The following ANO1 variants were observed in gnomAD, a reference collection of about 807,000 sequenced individuals.
The protein encoded by ANO1 is anoctamin 1.
Under a neutral mutation model 124.0 loss-of-function variants are expected in ANO1, and 59 were observed. That is an observed-to-expected ratio of 0.48 (90% CI 0.39 to 0.59). The LOEUF is 0.59. Among genes scored for constraint, ANO1 ranks in the 20% least tolerant of loss-of-function variants. The pLI, the probability that ANO1 is intolerant of heterozygous loss-of-function variation, is 0.00. For synonymous variants in ANO1, 529 were observed against 532.0 expected, an observed-to-expected ratio of 0.99 and a Z score of 0.08; for missense variants, 1,059 against 1,328.0, an observed-to-expected ratio of 0.80 and a Z score of 3.15.
intron 1 of ANO1, among the ~76,000 whole-genome samples, chr11:69,993,144 C>A (rs1234264038): frequency 6.6e-6 from 1 of 152,168 alleles, no homozygotes; most frequent in Non-Finnish European, 1.5e-5. Flanking sequence ...GGCCAGCCAC[C>A]CCCTCCTGAG....
At chr11:70,134,934 C>T (rs1318022931) in intron 11 of ANO1, among the ~76,000 whole-genome samples, 5 of 152,178 alleles carry the variant, frequency 3.3e-5, no homozygotes, top group African/African-American at 1.2e-4. Context: ...AGCAAGGACA[C>T]GCTGAGAAGA....
At chr11:70,050,373 G>A (rs4980755) in intron 1 of ANO1, among the ~76,000 whole-genome samples, 97,737 of 151,828 alleles carry the variant, frequency 0.64, 31,979 homozygotes, top group East Asian at 0.91. Flanking sequence ...GCAGGCCACG[G>A]CCCACTTACT....
chr11:70,094,547 G>A (rs901397418), intron 2 of ANO1, among the ~76,000 whole-genome samples: 2 of 152,188 alleles, frequency 1.3e-5, no homozygotes, highest in African/African-American at 4.8e-5. Flanking sequence ...TCCCCACTCC[G>A]TGTGGGCTTC....
chr11:70,131,897 A>G (rs1423099872), intron 10 of ANO1, 22 bp from the exon 11 acceptor site: 1 of 1,596,682 alleles, frequency 6.3e-7, no homozygotes, highest in Non-Finnish European at 8.5e-7. Context: ...AGGTGACTCC[A>G]GGGCTGCCCC....
chr11:70,003,606 G>GGT (rs1856427284), intron 1 of ANO1, among the ~76,000 whole-genome samples: 3 of 137,484 alleles, frequency 2.2e-5, no homozygotes, highest in African/African-American at 8.3e-5. Flanking sequence ...TGGATGGATG[G>GGT]ATGGATGGAT....
At chr11:70,061,488 CT>C (rs1461488651) in intron 1 of ANO1, among the ~76,000 whole-genome samples, 1 of 150,062 alleles carries the variant, frequency 6.7e-6, no homozygotes, top group African/African-American at 2.5e-5. Flanking sequence ...CCCCCTCCCC[CT>C]CTCTCTTTCT....
chr11:70,034,282 G>A lies in ANO1; in HGVS notation c.59-44260G>A, dbSNP rs190683110. 4.7e-4 allele frequency among the ~76,000 whole-genome samples: 72 copies of A among 152,210 alleles called. No individual in the cohort carries two copies. In the East Asian group the frequency reaches 0.013, roughly 27 times the overall value. On this transcript the variant is annotated intron_variant, in intron 1 of 27. Coordinates refer to the ANO1 transcript ENST00000531349. ...GAAAGTGCCACATGCTGTCGGGAGGGGCAGGCACAGTGTCTCAGGAGTCTG... is the reference window on the plus strand; with the variant it reads ...GAAAGTGCCACATGCTGTCGGGAGGAGCAGGCACAGTGTCTCAGGAGTCTG...
In ANO1 at chr11:70,185,687, G is replaced by A. The variant is rs374804618; in HGVS notation, c.2686G>A (p.Val896Ile). Residue 896 changes from valine to isoleucine, a missense_variant, in exon 25 of 26, where the codon GTC becomes ATC. Coordinates refer to ENST00000355303, the MANE Select transcript of ANO1 (RefSeq NM_018043.7). Reference sequence around the variant, plus strand: ...GGCAGCCCGGCTGGCGTTTGTCATCGTCTTCCAGGTGCGGTGGGTCCCTCT... The same window carrying A: ...GGCAGCCCGGCTGGCGTTTGTCATCATCTTCCAGGTGCGGTGGGTCCCTCT... The part of the protein sequence containing the change: ...VLAARLAFVI[V>I]FQNLVMFMSD... 1.5e-5 allele frequency: 25 copies of A among 1,613,686 alleles called. No homozygotes were observed. The highest frequency in any genetic ancestry group is 4.5e-5 in the East Asian group (2 of 44,888).
In ANO1 at chr11:70,185,629, G is replaced by A. The variant is rs2049089093; in HGVS notation, c.2628G>A (p.Lys876=). ...GAGAGCCGCCGTGGTCGGAAAACAA[G>A]TACGACATCTCCAAGGACTTCTGGG... The part of the protein sequence containing the change: ...DYREPPWSEN[K]YDISKDFWAV... The change falls in exon 25 of 26, where the codon AAG becomes AAA. Residue 876 remains lysine (K), a synonymous_variant. Coordinates refer to ENST00000355303, the MANE Select transcript of ANO1 (RefSeq NM_018043.7). 6.2e-7 allele frequency: 1 copy of A among 1,613,966 alleles called. No individual in the cohort carries two copies. Among genetic ancestry groups the A allele is most frequent in the Non-Finnish European group, 8.5e-7 (1 of 1,179,858 alleles).
chr11:70,092,139 C>A lies in ANO1; in HGVS notation c.441+4055C>A, dbSNP rs557986392. Among the ~76,000 whole-genome samples, 376 of 152,328 alleles carry A rather than the reference C, an allele frequency of 2.5e-3. 1 individual carries two copies. Among genetic ancestry groups the A allele is most frequent in the African/African-American group, 8.6e-3 (356 of 41,570 alleles). ...TGGCTAGTGGCCGCATCACTCTAAT[C>A]TCAGCCTCTGTGGTCACTCGGCCCT... is the stretch of plus-strand genomic sequence containing the variant. On this transcript the variant is annotated intron_variant, in intron 2 of 25. Coordinates refer to ENST00000355303, the MANE Select transcript of ANO1 (RefSeq NM_018043.7).
chr11:70,139,702 C>T (rs552021421), intron 11 of ANO1, among the ~76,000 whole-genome samples: 1 of 152,324 alleles, frequency 6.6e-6, no homozygotes, highest in South Asian at 2.1e-4. Context: ...ATAAGTAATG[C>T]TGCAGTAAAC....
chr11:70,173,653 G>A (rs1053606447), intron 22 of ANO1, among the ~76,000 whole-genome samples: 2 of 152,210 alleles, frequency 1.3e-5, no homozygotes, highest in Admixed American at 6.5e-5. Context: ...GAGAGTGAAC[G>A]TTTTAGGCTT....
intron 2 of ANO1, among the ~76,000 whole-genome samples, chr11:70,090,011 G>T (rs1285304200): frequency 6.6e-6 from 1 of 151,590 alleles, no homozygotes; most frequent in Non-Finnish European, 1.5e-5. Flanking sequence ...TTGTTTGTTT[G>T]TTTGTTTGTT....
chr11:69,998,458 C>T (rs1428154817), intron 1 of ANO1, among the ~76,000 whole-genome samples: 2 of 152,194 alleles, frequency 1.3e-5, no homozygotes, highest in African/African-American at 2.4e-5. Context: ...AGTAGTATGT[C>T]CCCCAGTGCC....
At chr11:70,131,540 C>T (rs2046759368) in intron 10 of ANO1, among the ~76,000 whole-genome samples, 1 of 152,212 alleles carries the variant, frequency 6.6e-6, no homozygotes, top group African/African-American at 2.4e-5. Context: ...TTTGGCCAGG[C>T]TGGTCTTGAA....
chr11:70,031,439 C>G (rs150030678), intron 1 of ANO1, among the ~76,000 whole-genome samples: 2 of 152,312 alleles, frequency 1.3e-5, no homozygotes, highest in Middle Eastern at 3.4e-3. Context: ...GGAAAGGCCC[C>G]GTGCCTCCTG....
chr11:70,042,110 G>C (rs1409110017), intron 1 of ANO1, among the ~76,000 whole-genome samples: 5 of 152,274 alleles, frequency 3.3e-5, no homozygotes, highest in East Asian at 3.9e-4. Context: ...ACAGCAGAAG[G>C]ATGCATGAGA....
intron 21 of ANO1, among the ~76,000 whole-genome samples, chr11:70,168,007 C>A (rs552209310): frequency 6.6e-6 from 1 of 152,190 alleles, no homozygotes; most frequent in South Asian, 2.1e-4. Context: ...ACAGAGCAGG[C>A]GTCTCAAAGG....
At chr11:70,039,035 T>C (rs982782548) in intron 1 of ANO1, among the ~76,000 whole-genome samples, 2 of 152,174 alleles carry the variant, frequency 1.3e-5, no homozygotes, top group Non-Finnish European at 2.9e-5. Flanking sequence ...GTAAGAAATT[T>C]AGCCTTAAAA....
Sources: gnomAD v4.1 joint callset for allele counts (sites outside exome capture counted in the v4.1 genomes callset) on GRCh38, gnomAD v4.1.1 for gene constraint, MANE v1.5 for transcripts, NCBI Gene and HGNC (gene_info 2026-07-23, HGNC 2026-07-21) for gene names.